The following GRM1 variants were observed in gnomAD, a reference collection of about 807,000 sequenced individuals.
The protein encoded by GRM1 is metabotropic glutamate receptor 1.
GRM1 carries 33 observed loss-of-function variants against 90.9 expected under a neutral mutation model. The ratio of observed to expected loss-of-function variants is 0.36; its 90% CI spans 0.28 to 0.49. GRM1 has a LOEUF of 0.49. Among genes scored for constraint, GRM1 ranks in the 20% least tolerant of loss-of-function variants. The pLI is 0.99. For missense variants in GRM1, 1,190 were observed against 1,534.3 expected, an observed-to-expected ratio of 0.78 and a Z score of 3.75; for synonymous variants, 700 against 613.2, an observed-to-expected ratio of 1.14 and a Z score of -2.09.
At position 146,352,415 on chromosome 6, in the gene GRM1, T is replaced by C; in HGVS notation, c.1352T>C (p.Leu451Pro). Residue 451 changes from leucine (L) to proline (P), a missense_variant, in exon 4 of 8, where the codon CTG (leucine) becomes CCG (proline). Transcript: ENST00000282753. ...AMKPIDGSKL[L>P]DFLIKSSFIG... ...AAGCCCATCGACGGCAGCAAGCTGC[T>C]GGACTTCCTCATCAAGTCCTCATTC... The C allele has an allele frequency of 6.2e-7, 1 of 1,613,918 alleles. No individual in the cohort carries two copies. The highest frequency in any genetic ancestry group is 8.5e-7 in the Non-Finnish European group (1 of 1,179,760).
chr6:146,369,151 C>A (rs1333031148), intron 5 of GRM1, among the ~76,000 whole-genome samples: 1 of 151,742 alleles, frequency 6.6e-6, no homozygotes, highest in African/African-American at 2.4e-5. Context: ...TCACAATGGT[C>A]CTCTGTATTT....
intron 7 of GRM1, among the ~76,000 whole-genome samples, chr6:146,428,044 C>G (rs1778277242): frequency 6.6e-6 from 1 of 152,022 alleles, no homozygotes; most frequent in South Asian, 2.1e-4. Context: ...TGGTGGGTGA[C>G]AAAAAATAAA....
At chr6:146,078,752 T>C (rs1473497375) in intron 1 of GRM1, among the ~76,000 whole-genome samples, 1 of 152,230 alleles carries the variant, frequency 6.6e-6, no homozygotes, top group Non-Finnish European at 1.5e-5. Flanking sequence ...ATTCCAATCA[T>C]GTAGTTTGTT....
chr6:146,285,553 C>T (rs1028457383), intron 2 of GRM1, among the ~76,000 whole-genome samples: 4 of 152,186 alleles, frequency 2.6e-5, no homozygotes, highest in Non-Finnish European at 5.9e-5. Context: ...TTCTTCTCAA[C>T]CTTTCATTAG....
chr6:146,436,883 T>C lies in GRM1; in HGVS notation c.*2087T>C, dbSNP rs1485164888. On this transcript the variant is annotated 3_prime_UTR_variant, in exon 8 of 8. Coordinates refer to ENST00000282753, the MANE Select transcript of GRM1 (RefSeq NM_001278064.2). ...TCCATTGCATCATTTGTTCAGAATT[T>C]AACATCCATTCCAATGTTGGAGGCT... The C allele has an allele frequency of 6.6e-6, 1 of 152,650 alleles. No homozygotes were observed. 9.5% of individuals were successfully genotyped at this position (152,650 alleles called of 1,614,324 possible).
intron 3 of GRM1, among the ~76,000 whole-genome samples, chr6:146,343,423 A>G (rs1288680929): frequency 1.3e-5 from 2 of 152,152 alleles, no homozygotes; most frequent in Non-Finnish European, 2.9e-5. Context: ...GTATCTACAT[A>G]AATTATTTGA....
chr6:146,309,031 C>A (rs1783685909), intron 3 of GRM1, among the ~76,000 whole-genome samples: 1 of 151,988 alleles, frequency 6.6e-6, no homozygotes, highest in South Asian at 2.1e-4. Context: ...TCTAAACTTT[C>A]TTTTTTTACA....
chr6:146,207,717 T>G (rs1469972881), intron 2 of GRM1, among the ~76,000 whole-genome samples: 1 of 152,106 alleles, frequency 6.6e-6, no homozygotes, highest in African/African-American at 2.4e-5. Context: ...GAAAGACAAT[T>G]TGTTTTGATG....
intron 2 of GRM1, among the ~76,000 whole-genome samples, chr6:146,221,559 T>C (rs568832218): frequency 1.3e-5 from 2 of 152,302 alleles, no homozygotes; most frequent in South Asian, 4.2e-4. Context: ...TATTCTATGG[T>C]GTATATGTAC....
At chr6:146,220,075 G>A (rs867002856) in intron 2 of GRM1, among the ~76,000 whole-genome samples, 25 of 152,230 alleles carry the variant, frequency 1.6e-4, no homozygotes, top group African/African-American at 5.5e-4. Context: ...ACATGTGTGC[G>A]TGTGTCCATA....
intron 1 of GRM1, among the ~76,000 whole-genome samples, chr6:146,158,283 G>A (rs1777591990): frequency 6.6e-6 from 1 of 152,156 alleles, no homozygotes; most frequent in Non-Finnish European, 1.5e-5. Flanking sequence ...GGCTAAGAAG[G>A]AAACAAGAGG....
chr6:146,400,810 T>A (rs1289804672), intron 7 of GRM1, among the ~76,000 whole-genome samples: 2 of 152,214 alleles, frequency 1.3e-5, no homozygotes, highest in African/African-American at 4.8e-5. Context: ...AAGGTACACA[T>A]TGTTAATAAT....
chr6:146,276,745 T>A (rs1370853901), intron 2 of GRM1, among the ~76,000 whole-genome samples: 1 of 152,204 alleles, frequency 6.6e-6, no homozygotes, highest in East Asian at 1.9e-4. Context: ...AATTACTTAC[T>A]AATTACTTAC....
At chr6:146,158,975 A>G (rs1323763616) in intron 1 of GRM1, among the ~76,000 whole-genome samples, 5 of 152,214 alleles carry the variant, frequency 3.3e-5, no homozygotes, top group Non-Finnish European at 7.3e-5. Flanking sequence ...CCTCAAATAA[A>G]CAGAGCTTCT....
At chr6:146,044,504 A>C (rs1791248969) in intron 1 of GRM1, among the ~76,000 whole-genome samples, 1 of 151,974 alleles carries the variant, frequency 6.6e-6, no homozygotes, top group Non-Finnish European at 1.5e-5. Context: ...GTAACTTGGG[A>C]AACCGAGCTT....
chr6:146,214,818 G>A (rs919514488), intron 2 of GRM1, among the ~76,000 whole-genome samples: 6 of 152,238 alleles, frequency 3.9e-5, no homozygotes, highest in South Asian at 2.1e-4. Context: ...AATGCATGAA[G>A]TTCAGTGAGG....
chr6:146,181,540 T>A (rs974891759), intron 2 of GRM1, among the ~76,000 whole-genome samples: 3 of 152,204 alleles, frequency 2.0e-5, no homozygotes, highest in African/African-American at 4.8e-5. Flanking sequence ...GTATTTTGAA[T>A]ATACCTACAG....
rs767183696 is a variant in GRM1 at position 146,304,884 on chromosome 6, G to T, written c.1186+38G>T. On this transcript the variant is annotated intron_variant, in intron 3 of 7. Coordinates refer to ENST00000282753, the MANE Select transcript of GRM1 (RefSeq NM_001278064.2). ...CACAAAATAACAACTCAGAGGTTTGGTCATCTCTTCTAGATTTATTGCAAC... is the reference window on the plus strand; with the variant it reads ...CACAAAATAACAACTCAGAGGTTTGTTCATCTCTTCTAGATTTATTGCAAC... The T allele has an allele frequency of 7.3e-6, 10 of 1,369,962 alleles. No homozygotes were observed. The South Asian group carries it at 8.1e-5, about 11-fold the overall frequency. The allele number at this position is 1,369,962 out of a possible 1,614,324, so 84.9% of individuals were successfully genotyped here.
upstream of GRM1, chr6:146,027,885 C>T (rs1790547171): frequency 6.6e-6 from 1 of 152,586 alleles, no homozygotes; most frequent in Non-Finnish European, 1.5e-5. Flanking sequence ...AAGTCCCAGT[C>T]TATCAGATTT....
Sources: allele counts gnomAD v4.1 joint callset (sites outside exome capture counted in the v4.1 genomes callset), GRCh38; gene constraint gnomAD v4.1.1; transcripts MANE v1.5; gene names NCBI Gene and HGNC (gene_info 2026-07-23, HGNC 2026-07-21).